GTF2F2: variants seen among roughly 807,000 people sequenced by gnomAD.
GTF2F2 encodes the protein ATP-dependent helicase GTF2F2.
In GTF2F2, 23 loss-of-function variants were observed where a neutral mutation model predicts 42.2. The ratio of observed to expected loss-of-function variants is 0.55; its 90% CI spans 0.39 to 0.77. The LOEUF (loss-of-function observed/expected upper bound fraction) is 0.77. GTF2F2 is among the 30% of genes least tolerant of loss of function. GTF2F2 has a pLI of 0.00. For missense variants in GTF2F2, 261 were observed against 287.2 expected (o/e 0.91, Z 0.66); for synonymous variants, 105 against 100.8 (o/e 1.04, Z -0.25).
chr13:45,252,846 A>C (rs1442977195), intron 5 of GTF2F2, 25 bp from the exon 6 acceptor site: 4 of 938,220 alleles, frequency 4.3e-6, no homozygotes, highest in Non-Finnish European at 6.5e-6. Flanking sequence ...CAAGAGTGTT[A>C]ATAATGCCTT....
intron 2 of GTF2F2, among the ~76,000 whole-genome samples, chr13:45,137,953 C>T (rs1259277326): frequency 6.6e-6 from 1 of 152,198 alleles, no homozygotes; most frequent in African/African-American, 2.4e-5. Context: ...GTATATGCTG[C>T]TGAGGCGAGC....
intron 4 of GTF2F2, among the ~76,000 whole-genome samples, chr13:45,166,407 T>C (rs1871301859): frequency 1.3e-5 from 2 of 152,352 alleles, no homozygotes; most frequent in South Asian, 4.1e-4. Flanking sequence ...TATGAAGACA[T>C]GATGCAGTCT....
intron 5 of GTF2F2, among the ~76,000 whole-genome samples, chr13:45,231,605 A>AT (rs1874688015): frequency 6.6e-6 from 1 of 152,106 alleles, no homozygotes; most frequent in African/African-American, 2.4e-5. Flanking sequence ...TCACTCTTTA[A>AT]TATCAGTATC....
intron 1 of GTF2F2, among the ~76,000 whole-genome samples, chr13:45,135,510 G>A (rs561664554): frequency 1.1e-4 from 17 of 151,772 alleles, no homozygotes; most frequent in East Asian, 7.9e-4. Flanking sequence ...TGCCCGCCTC[G>A]GCCTTCCAAA....
At chr13:45,138,265 A>G (rs1415262938) in intron 2 of GTF2F2, among the ~76,000 whole-genome samples, 1 of 151,966 alleles carries the variant, frequency 6.6e-6, no homozygotes, top group Non-Finnish European at 1.5e-5. Flanking sequence ...ATTTGGTCTC[A>G]TGGCTTTAAG....
At chr13:45,263,565 A>G (rs1482064844) in intron 6 of GTF2F2, 1 of 152,088 alleles carries the variant, frequency 6.6e-6, no homozygotes, top group Non-Finnish European at 1.5e-5. Flanking sequence ...TTTACTACAG[A>G]TTATGTAGTC....
At chr13:45,166,517 G>C (rs1325528055) in intron 4 of GTF2F2, among the ~76,000 whole-genome samples, 1 of 152,240 alleles carries the variant, frequency 6.6e-6, no homozygotes, top group African/African-American at 2.4e-5. Context: ...ACTGGAGCCA[G>C]TGTTAGGGAA....
chr13:45,217,901 T>A (rs1285306959), intron 5 of GTF2F2, among the ~76,000 whole-genome samples: 1 of 152,252 alleles, frequency 6.6e-6, no homozygotes, highest in Admixed American at 6.5e-5. Context: ...TATCTTGTTC[T>A]GATCTTTTCT....
rs1434320905 is a variant in GTF2F2 at position 45,184,262 on chromosome 13, A to G, written c.305-23162A>G. Among the ~76,000 whole-genome samples the G allele has an allele frequency of 3.3e-5, 5 of 152,204 alleles. No homozygotes were observed. In the East Asian group the frequency reaches 9.6e-4, roughly 29 times the overall value. On this transcript the variant is annotated intron_variant, in intron 4 of 7. Transcript: ENST00000340473. The stretch of plus-strand genomic sequence containing the variant: ...TGATTTCTTCGCAGGAAAGAGGTAG[A>G]TAGGGTGTGGCTGTTCCCTTGTTGG...
In GTF2F2 at chr13:45,151,849, T is replaced by C; in HGVS notation, c.304+18T>C. The C allele has an allele frequency of 7.8e-7, 1 of 1,282,664 alleles. No homozygotes were observed. The highest frequency in any genetic ancestry group is 1.1e-6 in the Non-Finnish European group (1 of 943,172). 79.5% of individuals were successfully genotyped at this position (1,282,664 alleles called of 1,614,324 possible). On this transcript the variant is annotated intron_variant, in intron 4 of 7. Transcript: ENST00000340473. ...CTCATCAGGTAAGTGGGAATGGAATTATTTAATGTGATTCCTGTACATTTT... is the reference window on the plus strand; with the variant it reads ...CTCATCAGGTAAGTGGGAATGGAATCATTTAATGTGATTCCTGTACATTTT...
At chr13:45,184,513 C>T (rs1252721241) in intron 4 of GTF2F2, among the ~76,000 whole-genome samples, 4 of 151,864 alleles carry the variant, frequency 2.6e-5, no homozygotes, top group African/African-American at 9.7e-5. Flanking sequence ...TTCGACCTCC[C>T]CAAGTGCTGG....
intron 4 of GTF2F2, among the ~76,000 whole-genome samples, chr13:45,204,655 A>G (rs1873344387): frequency 6.6e-6 from 1 of 152,244 alleles, no homozygotes; most frequent in Non-Finnish European, 1.5e-5. Flanking sequence ...GGCTTTAAAA[A>G]GAGAGCAGGC....
intron 7 of GTF2F2, among the ~76,000 whole-genome samples, chr13:45,270,259 G>T (rs751582524): frequency 5.9e-5 from 9 of 152,132 alleles, no homozygotes; most frequent in Admixed American, 3.3e-4. Flanking sequence ...CATCAAGGAG[G>T]CCAAGCTTTG....
intron 5 of GTF2F2, among the ~76,000 whole-genome samples, chr13:45,227,815 A>G (rs1016473269): frequency 2.6e-5 from 4 of 152,168 alleles, no homozygotes; most frequent in Admixed American, 1.3e-4. Context: ...AGTCCTCTGC[A>G]GTAGAGAGAT....
chr13:45,165,143 T>C (rs1188327694), intron 4 of GTF2F2, among the ~76,000 whole-genome samples: 4 of 151,646 alleles, frequency 2.6e-5, no homozygotes, highest in African/African-American at 9.7e-5. Flanking sequence ...ATTTGTGAGG[T>C]ACTAGGCAAC....
intron 6 of GTF2F2, among the ~76,000 whole-genome samples, chr13:45,260,204 T>C (rs1033667362): frequency 5.3e-5 from 8 of 152,088 alleles, no homozygotes; most frequent in Admixed American, 2.0e-4. Context: ...AGATTTGGGG[T>C]TTGAGTGGTT....
chr13:45,159,839 A>G (rs1260351034), intron 4 of GTF2F2, among the ~76,000 whole-genome samples: 1 of 152,148 alleles, frequency 6.6e-6, no homozygotes, highest in Non-Finnish European at 1.5e-5. Context: ...CATTTCCCTT[A>G]TTTTTGGGGG....
At chr13:45,153,580 C>T (rs1462597459) in intron 4 of GTF2F2, among the ~76,000 whole-genome samples, 1 of 152,124 alleles carries the variant, frequency 6.6e-6, no homozygotes, top group Non-Finnish European at 1.5e-5. Flanking sequence ...AACCCTTCAA[C>T]AAATATTTAT....
At chr13:45,126,245 CTT>C (rs11383296) in intron 1 of GTF2F2, among the ~76,000 whole-genome samples, 6 of 100,632 alleles carry the variant, frequency 6.0e-5, no homozygotes, top group South Asian at 3.1e-4. Context: ...GGAAGAACGA[CTT>C]TTTTTTTTTT....
Sources: allele counts gnomAD v4.1 joint callset (sites outside exome capture counted in the v4.1 genomes callset), GRCh38; gene constraint gnomAD v4.1.1; transcripts MANE v1.5; gene names NCBI Gene and HGNC (gene_info 2026-07-23, HGNC 2026-07-21).